OPN3: variants seen among roughly 807,000 people sequenced by gnomAD.
OPN3 encodes opsin-3.
A neutral mutation model predicts 33.8 loss-of-function variants in OPN3; 29 were observed. The ratio of observed to expected loss-of-function variants is 0.86; its 90% CI spans 0.64 to 1.17. OPN3 has a LOEUF of 1.17. OPN3 is among the 50% of genes most tolerant of loss of function. The probability of loss-of-function intolerance (pLI) is 0.00; values close to 1 mark genes in which losing one functional copy is unlikely to be tolerated. For missense variants in OPN3, 437 were observed against 514.1 expected (o/e 0.85, Z 1.45); for synonymous variants, 216 against 216.1 (o/e 1.00, Z 0.00).
chr1:241,630,055 T>C (rs1415177037), intron 1 of OPN3: 3 of 152,114 alleles, frequency 2.0e-5, no homozygotes, highest in East Asian at 1.9e-4. Context: ...ATGTCACATA[T>C]TGGCATTTCT....
At chr1:241,596,802 C>T (rs1285395916) in intron 3 of OPN3, among the ~76,000 whole-genome samples, 2 of 152,150 alleles carry the variant, frequency 1.3e-5, no homozygotes, top group East Asian at 3.9e-4. Flanking sequence ...CAAAACCTTT[C>T]AACTACAGAA....
At chr1:241,634,808 C>T in intron 1 of OPN3, 5 of 1,613,722 alleles carry the variant, frequency 3.1e-6, no homozygotes, top group Non-Finnish European at 4.2e-6. Context: ...TGAAAATGAA[C>T]ACTGCCTGAA....
chr1:241,635,100 C>T, intron 1 of OPN3: 1 of 1,612,824 alleles, frequency 6.2e-7, no homozygotes, highest in Non-Finnish European at 8.5e-7. Context: ...CCTTCTTTAA[C>T]TATTTGAGAG....
intron 1 of OPN3, chr1:241,633,397 A>G (rs1664724613): frequency 5.7e-6 from 1 of 175,030 alleles, no homozygotes; most frequent in South Asian, 1.3e-4. Context: ...CAGCAACTGT[A>G]ACAGCTGCAA....
rs1157247260 is a variant in OPN3, at chr1:241,633,570, G to C, written c.373+6312C>G. 7.4e-6 allele frequency: 4 copies of C among 543,674 alleles called. No individual in the cohort carries two copies. In the East Asian group the frequency reaches 1.3e-4, roughly 18 times the overall value. The allele number at this position is 543,674 out of a possible 1,614,324, so 33.7% of individuals were successfully genotyped here. A position where few individuals can be genotyped will look rare whatever the true frequency, so the allele number is the denominator to read the frequency against. On this transcript the variant is annotated intron_variant, in intron 1 of 3. Transcript: ENST00000366554. Reference sequence around the variant, plus strand: ...AAGCTAACTCTGTTTTAAGATTCTGGGTCATATAGCCCATTCTAAACAAAA... The same window carrying C: ...AAGCTAACTCTGTTTTAAGATTCTGCGTCATATAGCCCATTCTAAACAAAA...
Position 241,640,015 on chromosome 1 carries a change from C to G in OPN3, c.240G>C (p.Leu80=), listed in dbSNP as rs73139034. 5.2e-3 allele frequency: 8,324 copies of G among 1,613,294 alleles called. 326 individuals carry two copies. The African/African-American group carries it at 0.097, about 19-fold the overall frequency. ...GCAGGTCGCTGAGGCTGATGTTGAC[C>G]AGGAGGAGGTGAGTGGGAGTGCGGA... The part of the protein sequence containing the change: ...QRLRTPTHLL[L]VNISLSDLLV... The change falls in exon 1 of 4, where the codon CTG becomes CTC. Residue 80 remains leucine (L), a synonymous_variant. Coordinates refer to ENST00000366554, the MANE Select transcript of OPN3 (RefSeq NM_014322.3).
chr1:241,618,137 A>G (rs746957079), intron 1 of OPN3, among the ~76,000 whole-genome samples: 5 of 152,210 alleles, frequency 3.3e-5, no homozygotes, highest in Non-Finnish European at 4.4e-5. Context: ...ACATTCTACT[A>G]TTTCAAGCTT....
intron 1 of OPN3, chr1:241,634,094 T>C: frequency 6.2e-7 from 1 of 1,610,660 alleles, no homozygotes; most frequent in Non-Finnish European, 8.5e-7. Flanking sequence ...TCCCGAGGAA[T>C]CTCTCATATT....
intron 1 of OPN3, among the ~76,000 whole-genome samples, chr1:241,622,325 C>G (rs1664288262): frequency 6.6e-6 from 1 of 152,144 alleles, no homozygotes; most frequent in African/African-American, 2.4e-5. Flanking sequence ...TGATTATCTC[C>G]TTAGGTTAAA....
intron 1 of OPN3, chr1:241,633,549 T>C: frequency 2.0e-6 from 1 of 493,338 alleles, no homozygotes; most frequent in Admixed American, 3.9e-5. Flanking sequence ...AAAATAAAGC[T>C]AACTCTGTTT....
In OPN3 at chr1:241,632,725, C is replaced by T. The variant is rs1664693146; in HGVS notation, c.373+7157G>A. 2.0e-5 allele frequency: 3 copies of T among 152,222 alleles called. No homozygotes were observed. In the Middle Eastern group the frequency reaches 0.01, roughly 518 times the overall value. The allele number at this position is 152,222 out of a possible 1,614,324, so 9.4% of individuals were successfully genotyped here. On this transcript the variant is annotated intron_variant, in intron 1 of 3. Coordinates refer to ENST00000366554, the MANE Select transcript of OPN3 (RefSeq NM_014322.3). ...GGGCATGGTAAATCCTCCTTTGATTCATTCCTATCAGTTATGTTATAGTGA... is the reference window on the plus strand; with the variant it reads ...GGGCATGGTAAATCCTCCTTTGATTTATTCCTATCAGTTATGTTATAGTGA...
chr1:241,596,110 AG>A (rs1337067680), intron 3 of OPN3, among the ~76,000 whole-genome samples: 1 of 152,246 alleles, frequency 6.6e-6, no homozygotes, highest in Admixed American at 6.5e-5. Flanking sequence ...CAAGATTTCC[AG>A]GTGTGGTGTA....
At chr1:241,617,301 C>T (rs1008392775) in intron 1 of OPN3, among the ~76,000 whole-genome samples, 1 of 152,110 alleles carries the variant, frequency 6.6e-6, no homozygotes, top group African/African-American at 2.4e-5. Context: ...TCAGCAATGG[C>T]GAAGCTTGAG....
chr1:241,604,255 C>G lies in OPN3; in HGVS notation c.693+5G>C, dbSNP rs1216956954. 6.2e-7 allele frequency: 1 copy of G among 1,612,126 alleles called. No individual in the cohort carries two copies. Among genetic ancestry groups the G allele is most frequent in the Non-Finnish European group, 8.5e-7 (1 of 1,178,704 alleles). ...GGAGGGGGGCATCTGTAGTCTTCAA[C>G]TCACCATTCGAATGGAATATAGAAT... is the stretch of plus-strand genomic sequence containing the variant. On this transcript the variant is annotated splice_donor_5th_base_variant and intron_variant, in intron 2 of 3. Coordinates refer to ENST00000366554, the MANE Select transcript of OPN3 (RefSeq NM_014322.3).
At chr1:241,595,372 C>T (rs1663475266) in intron 3 of OPN3, 1 of 152,222 alleles carries the variant, frequency 6.6e-6, no homozygotes, top group Admixed American at 6.5e-5. Flanking sequence ...TGGAAGGAAC[C>T]TAGATTCCTA....
At chr1:241,629,482 T>C (rs1434979108) in intron 1 of OPN3, 3 of 152,132 alleles carry the variant, frequency 2.0e-5, no homozygotes, top group African/African-American at 4.8e-5. Context: ...CTTTATAAAT[T>C]TGCCTAAGAG....
chr1:241,633,683 GC>G, intron 1 of OPN3: 1 of 1,050,122 alleles, frequency 9.5e-7, no homozygotes, highest in Non-Finnish European at 1.4e-6. Flanking sequence ...CATCTGCATA[GC>G]ATTCATCATA....
At chr1:241,621,178 A>G (rs1368991397) in intron 1 of OPN3, among the ~76,000 whole-genome samples, 4 of 152,180 alleles carry the variant, frequency 2.6e-5, no homozygotes, top group Non-Finnish European at 5.9e-5. Context: ...TAGTAGATAC[A>G]TGGACCCTTA....
intron 1 of OPN3, among the ~76,000 whole-genome samples, chr1:241,605,951 CT>C (rs1308468806): frequency 1.3e-5 from 2 of 152,114 alleles, no homozygotes; most frequent in African/African-American, 4.8e-5. Context: ...AATTATGAAT[CT>C]GTTACTCTCT....
Sources: gnomAD v4.1 joint callset for allele counts (sites outside exome capture counted in the v4.1 genomes callset) on GRCh38, gnomAD v4.1.1 for gene constraint, MANE v1.5 for transcripts, NCBI Gene and HGNC (gene_info 2026-07-23, HGNC 2026-07-21) for gene names.